Variants in CCDC138 observed in about 807,000 individuals in gnomAD.
The protein encoded by CCDC138 is coiled-coil domain-containing protein 138.
A neutral mutation model predicts 82.3 loss-of-function variants in CCDC138; 66 were observed. The ratio of observed to expected loss-of-function variants is 0.80; its 90% CI spans 0.66 to 0.98. The LOEUF (loss-of-function observed/expected upper bound fraction) is 0.98, where lower values mean the gene tolerates loss of function less well. Ranked by LOEUF, CCDC138 falls within the 50% of genes least tolerant of loss-of-function variation. The pLI, the probability that CCDC138 is intolerant of heterozygous loss-of-function variation, is 0.00. For missense variants in CCDC138, 816 were observed against 758.9 expected (o/e 1.08, Z -0.88); for synonymous variants, 297 against 265.4 (o/e 1.12, Z -1.16).
intron 1 of CCDC138, among the ~76,000 whole-genome samples, chr2:108,787,793 T>C (rs1679156325): frequency 6.6e-6 from 1 of 152,080 alleles, no homozygotes; most frequent in African/African-American, 2.4e-5. Flanking sequence ...CTTCGTTAGA[T>C]TGATTATGCA....
At chr2:108,858,281 T>C (rs1216639943) in intron 13 of CCDC138, among the ~76,000 whole-genome samples, 2 of 151,966 alleles carry the variant, frequency 1.3e-5, no homozygotes, top group East Asian at 3.9e-4. Context: ...GAGGTGGAGG[T>C]TGCAGTGAGC....
rs57196170 is a variant in CCDC138 at position 108,843,886 on chromosome 2, CTTT to C, written c.1324-2832_1324-2830del. ...TGTGTGTGTGTGTGTGTGTTTCTTT[CTTT>C]TTTTTTTTTTTTTTTTTTTGAGACA... On this transcript the variant is annotated intron_variant, in intron 11 of 14. Transcript: ENST00000295124. Among the ~76,000 whole-genome samples, 66 of 93,966 alleles carry C rather than the reference CTTT, an allele frequency of 7.0e-4. 7 individuals are homozygous for C. The South Asian group carries it at 0.017, about 25-fold the overall frequency. The allele number at this position is 93,966 out of a possible 152,430, so 61.6% of individuals were successfully genotyped here.
At chr2:108,805,738 T>A (rs896877713) in intron 7 of CCDC138, among the ~76,000 whole-genome samples, 19 of 151,512 alleles carry the variant, frequency 1.3e-4, no homozygotes, top group Admixed American at 1.2e-3. Context: ...AAAAAAAAAA[T>A]TGTAATTTAG....
At chr2:108,877,118 AGAAAGCCATAAT>A (rs1696072589), downstream of CCDC138, among the ~76,000 whole-genome samples, 1 of 152,242 alleles carries the variant, frequency 6.6e-6, no homozygotes, top group African/African-American at 2.4e-5. Flanking sequence ...AAGTAGAAAC[AGAAAGCCATAAT>A]GAAAGAACAG....
chr2:108,832,344 CT>C (rs1179620383), intron 10 of CCDC138, among the ~76,000 whole-genome samples: 16,657 of 122,170 alleles, frequency 0.14, 1,693 homozygotes, highest in African/African-American at 0.34. Context: ...GTATTTCTTT[CT>C]TTTTTTTTTT....
In CCDC138 at chr2:108,804,946, A is replaced by G; in HGVS notation, c.793A>G (p.Thr265Ala). 1 of 1,580,250 alleles carries G rather than the reference A, an allele frequency of 6.3e-7. No individual in the cohort carries two copies. Among genetic ancestry groups the G allele is most frequent in the Non-Finnish European group, 8.6e-7 (1 of 1,167,866 alleles). ...AGTTCTTAAGGAAAAGAATAAAGAA[A>G]CCAAGAGACTGAGGTCCTCTTTTGA... ...TEVLKEKNKE[T>A]KRLRSSFDAL... The change falls in exon 7 of 15, where the codon ACC becomes GCC. Residue 265 changes from threonine to alanine, a missense_variant. Transcript: ENST00000295124.
chr2:108,873,959 TACTA>T (rs1378095450), intron 14 of CCDC138, among the ~76,000 whole-genome samples: 1 of 152,094 alleles, frequency 6.6e-6, no homozygotes, highest in Non-Finnish European at 1.5e-5. Flanking sequence ...GATTCATAAA[TACTA>T]ACGCTGATCT....
intron 13 of CCDC138, among the ~76,000 whole-genome samples, chr2:108,864,726 G>A (rs1004057087): frequency 2.0e-5 from 3 of 151,736 alleles, no homozygotes; most frequent in Admixed American, 1.3e-4. Flanking sequence ...CCCAGGAGGC[G>A]GAGGTTGCAG....
At chr2:108,795,663 A>C (rs1680748510) in intron 5 of CCDC138, among the ~76,000 whole-genome samples, 1 of 152,214 alleles carries the variant, frequency 6.6e-6, no homozygotes, top group African/African-American at 2.4e-5. Context: ...TTTAGCCTAA[A>C]ATCACCAGGA....
At chr2:108,834,414 C>T (rs1371110913) in intron 10 of CCDC138, among the ~76,000 whole-genome samples, 1 of 151,654 alleles carries the variant, frequency 6.6e-6, no homozygotes, top group Non-Finnish European at 1.5e-5. Context: ...GGGGTTTCAC[C>T]ATGTTGGCCA....
intron 6 of CCDC138, among the ~76,000 whole-genome samples, chr2:108,799,476 C>T (rs1310129412): frequency 6.6e-6 from 1 of 152,210 alleles, no homozygotes; most frequent in African/African-American, 2.4e-5. Context: ...AGCCTCAGCC[C>T]TTGGCAACCA....
chr2:108,834,824 A>T (rs1004730967), intron 10 of CCDC138, among the ~76,000 whole-genome samples: 32 of 152,224 alleles, frequency 2.1e-4, no homozygotes, highest in African/African-American at 6.3e-4. Flanking sequence ...TGCATATTCT[A>T]AGTATCTCAT....
intron 3 of CCDC138, among the ~76,000 whole-genome samples, chr2:108,789,374 C>CCT (rs1679524725): frequency 1.3e-5 from 2 of 152,188 alleles, no homozygotes; most frequent in South Asian, 4.1e-4. Context: ...GGGTGGATCA[C>CCT]CTGAGGTCAG....
Position 108,873,540 on chromosome 2 carries a change from CA to C in CCDC138, c.1786del (p.Ile596TyrfsTer2). The C allele has an allele frequency of 6.2e-7, 1 of 1,611,748 alleles. No homozygotes were observed. The highest frequency in any genetic ancestry group is 8.5e-7 in the Non-Finnish European group (1 of 1,178,932). On this transcript the variant is annotated frameshift_variant, in exon 14 of 15. Transcript: ENST00000295124. LOFTEE classifies it high-confidence loss of function. ...GCTTCGAGCCCCTAAGCTTGATCTTCAAATACTAGAAAAACTCAGTATTATT... is the reference window on the plus strand; with the variant it reads ...GCTTCGAGCCCCTAAGCTTGATCTTCAATACTAGAAAAACTCAGTATTATT... ...VLLRAPKLDLQILEKLSIILQ... is the reference protein window; with the variant it reads ...VLLRAPKLDLXILEKLSIILQ...
At chr2:108,842,387 C>T (rs1329932832) in intron 11 of CCDC138, among the ~76,000 whole-genome samples, 1 of 151,856 alleles carries the variant, frequency 6.6e-6, no homozygotes, top group East Asian at 1.9e-4. Flanking sequence ...CATGGCAAAC[C>T]TGGAGTCCAC....
intron 6 of CCDC138, 63 bp downstream of exon 6, chr2:108,798,649 T>C: frequency 2.3e-6 from 3 of 1,303,714 alleles, no homozygotes; most frequent in Non-Finnish European, 3.2e-6. Flanking sequence ...GATTCACTAG[T>C]TACTAACATT....
intron 10 of CCDC138, among the ~76,000 whole-genome samples, chr2:108,835,076 CAT>C (rs1303072035): frequency 2.0e-5 from 3 of 152,166 alleles, no homozygotes; most frequent in Non-Finnish European, 4.4e-5. Flanking sequence ...AGTCAGAAAA[CAT>C]ATCTGCTGCA....
intron 7 of CCDC138, among the ~76,000 whole-genome samples, chr2:108,811,237 T>C (rs1336419276): frequency 6.6e-5 from 4 of 60,360 alleles, no homozygotes; most frequent in African/African-American, 1.0e-4. Flanking sequence ...TTTTCTTTCT[T>C]TCTCTCTCTC....
intron 2 of CCDC138, 65 bp from the exon 3 acceptor site, chr2:108,788,787 C>T: frequency 6.3e-7 from 1 of 1,596,820 alleles, no homozygotes; most frequent in South Asian, 1.1e-5. Flanking sequence ...AGACTTATGG[C>T]CAGTGCCAGA....
Sources: allele counts gnomAD v4.1 joint callset (sites outside exome capture counted in the v4.1 genomes callset), GRCh38; gene constraint gnomAD v4.1.1; transcripts MANE v1.5; gene names NCBI Gene and HGNC (gene_info 2026-07-23, HGNC 2026-07-21).